PES1: variants seen among roughly 807,000 people sequenced by gnomAD.
The protein encoded by PES1 is pescadillo homolog.
Under a neutral mutation model 77.1 loss-of-function variants are expected in PES1, and 31 were observed. That is an observed-to-expected ratio of 0.40 (90% CI 0.30 to 0.54). The LOEUF (loss-of-function observed/expected upper bound fraction) is 0.54, where lower values mean the gene tolerates loss of function less well. Ranked by LOEUF, PES1 falls within the 20% of genes least tolerant of loss-of-function variation. PES1 has a pLI of 0.45. For missense variants in PES1, 658 were observed against 771.7 expected (o/e 0.85, Z 1.75); for synonymous variants, 282 against 303.0 (o/e 0.93, Z 0.72).
chr22:30,589,336 A>G, intron 1 of PES1, 66 bp from the exon 2 acceptor site: 1 of 1,300,354 alleles, frequency 7.7e-7, no homozygotes, highest in South Asian at 1.2e-5. Flanking sequence ...AACTCTGGGC[A>G]TGCCTAGTTC....
At chr22:30,578,332 G>A (rs554843919) in intron 14 of PES1, among the ~76,000 whole-genome samples, 30 of 152,190 alleles carry the variant, frequency 2.0e-4, no homozygotes, top group African/African-American at 4.8e-4. Context: ...TCCCAAACAC[G>A]GGTCATTATG....
At chr22:30,600,717 G>C (rs1367041728) in intron 2 of PES1, among the ~76,000 whole-genome samples, 1 of 152,178 alleles carries the variant, frequency 6.6e-6, no homozygotes, top group East Asian at 1.9e-4. Flanking sequence ...TCAGGAGGCT[G>C]AGGCAGGAGA....
chr22:30,597,877 G>GTT lies in PES1; in HGVS notation c.-660-5481_-660-5480dup, dbSNP rs869064352. On this transcript the variant is annotated intron_variant, in intron 2 of 16. Transcript: ENST00000402281. ...TCGGTTTTTTTTCCACGCAGTTGAA[G>GTT]TTTTGTTTTTTTTTTTTTTGTTTTG... Among the ~76,000 whole-genome samples, 380 of 90,544 alleles carry GTT rather than the reference G, an allele frequency of 4.2e-3. 22 individuals are homozygous for GTT. Among genetic ancestry groups the GTT allele is most frequent in the African/African-American group, 0.011 (248 of 23,106 alleles). 59.4% of individuals were successfully genotyped at this position (90,544 alleles called of 152,430 possible). A position where few individuals can be genotyped will look rare whatever the true frequency, so the allele number is the denominator to read the frequency against.
chr22:30,601,110 C>T (rs780049731), intron 2 of PES1, among the ~76,000 whole-genome samples: 5 of 152,170 alleles, frequency 3.3e-5, no homozygotes, highest in Non-Finnish European at 5.9e-5. Flanking sequence ...AGTTATATAT[C>T]ATCACTTCTG....
intron 14 of PES1, among the ~76,000 whole-genome samples, chr22:30,577,756 A>G (rs2086924346): frequency 6.6e-6 from 1 of 152,106 alleles, no homozygotes; most frequent in African/African-American, 2.4e-5. Flanking sequence ...TTGGTATCCC[A>G]AAGTGCTGGG....
intron 14 of PES1, 55 bp downstream of exon 14, chr22:30,578,782 G>A (rs1569019928): frequency 1.3e-6 from 2 of 1,581,086 alleles, no homozygotes; most frequent in Non-Finnish European, 1.7e-6. Flanking sequence ...AAGTTCACCT[G>A]TGCAGTTGGG....
chr22:30,592,690 G>A (rs41279964), upstream of PES1, among the ~76,000 whole-genome samples: 1 of 152,174 alleles, frequency 6.6e-6, no homozygotes, highest in South Asian at 2.1e-4. Flanking sequence ...CCAGCTACTC[G>A]GGAGGCTGAC....
upstream of PES1, among the ~76,000 whole-genome samples, chr22:30,592,948 A>G (rs951091485): frequency 6.8e-6 from 1 of 146,586 alleles, no homozygotes; most frequent in African/African-American, 2.6e-5. Context: ...CTGGAAGTAG[A>G]TGCAATTTTA....
chr22:30,587,671 C>T (rs2087112801), intron 3 of PES1, among the ~76,000 whole-genome samples: 1 of 152,186 alleles, frequency 6.6e-6, no homozygotes, highest in Admixed American at 6.5e-5. Flanking sequence ...GGGAGGATGG[C>T]ACAGCAAAGC....
At chr22:30,581,193 C>T in intron 8 of PES1, 92 bp from the exon 9 acceptor site, 5 of 1,355,478 alleles carry the variant, frequency 3.7e-6, no homozygotes, top group Non-Finnish European at 5.1e-6. Context: ...TCCTGGGCAT[C>T]AGCAGGTGTG....
chr22:30,601,730 C>T (rs947470510), intron 2 of PES1: 4 of 151,258 alleles, frequency 2.6e-5, no homozygotes, highest in African/African-American at 4.9e-5. Context: ...TGAAGGATAC[C>T]TTGGCTGCTT....
In PES1 at chr22:30,579,775, C is replaced by A. The variant is rs1470096075; in HGVS notation, c.1330G>T (p.Ala444Ser). ...YVPPEKLKLL[A>S]LQRGEDPGNL... ...CCTGGGTCCTCTCCCCGCTGCAGAG[C>A]CAGCAGCTTCAGCTTCTCAGGTGGA... Residue 444 changes from alanine to serine, a missense_variant, in exon 12 of 15, where the codon GCT becomes TCT. Coordinates refer to ENST00000354694, the MANE Select transcript of PES1 (RefSeq NM_014303.4). The A allele has an allele frequency of 6.2e-7, 1 of 1,613,824 alleles. No individual in the cohort carries two copies. The highest frequency in any genetic ancestry group is 8.5e-7 in the Non-Finnish European group (1 of 1,179,996).
intron 14 of PES1, among the ~76,000 whole-genome samples, chr22:30,578,294 A>G (rs552005777): frequency 6.6e-6 from 1 of 152,220 alleles, no homozygotes; most frequent in South Asian, 2.1e-4. Context: ...AAAACAAATT[A>G]TATCTCAAAA....
At chr22:30,585,180 C>A in intron 4 of PES1, 1 of 450,178 alleles carries the variant, frequency 2.2e-6, no homozygotes, top group Non-Finnish European at 4.7e-6. Context: ...TATGACTGGG[C>A]CTGGCCACCG....
chr22:30,604,641 T>A (rs965415475), intron 2 of PES1, among the ~76,000 whole-genome samples: 5 of 150,094 alleles, frequency 3.3e-5, no homozygotes, highest in African/African-American at 9.8e-5. Flanking sequence ...AAAAAATAAA[T>A]AAATAAGAAA....
intron 12 of PES1, 36 bp downstream of exon 12, chr22:30,579,715 C>A (rs373884644): frequency 6.3e-7 from 1 of 1,598,744 alleles, no homozygotes; most frequent in Non-Finnish European, 8.6e-7. Flanking sequence ...AGCGTGGGCC[C>A]AGGGGTCAAG....
At chr22:30,599,700 G>A (rs1030242304) in intron 2 of PES1, among the ~76,000 whole-genome samples, 1 of 151,728 alleles carries the variant, frequency 6.6e-6, no homozygotes, top group Non-Finnish European at 1.5e-5. Context: ...GGGAGATCAA[G>A]ACCAGCCTGA....
intron 2 of PES1, among the ~76,000 whole-genome samples, chr22:30,600,884 G>C (rs1028191617): frequency 6.6e-6 from 1 of 152,194 alleles, no homozygotes; most frequent in Admixed American, 6.5e-5. Flanking sequence ...TCTTTTATGC[G>C]ATAAAAGCTG....
At chr22:30,585,208 T>C (rs192138745) in intron 4 of PES1, 1 of 468,432 alleles carries the variant, frequency 2.1e-6, no homozygotes, top group South Asian at 1.6e-5. Flanking sequence ...GCGTAGGTTA[T>C]GTCTTCCATG....
Sources: allele counts gnomAD v4.1 joint callset (sites outside exome capture counted in the v4.1 genomes callset), GRCh38; gene constraint gnomAD v4.1.1; transcripts MANE v1.5; gene names NCBI Gene and HGNC (gene_info 2026-07-23, HGNC 2026-07-21).